Variants in ME1 observed in about 807,000 individuals in gnomAD.
ME1 encodes malic enzyme 1.
In ME1, 74 loss-of-function variants were observed where a neutral mutation model predicts 66.4. The observed-to-expected ratio is 1.11, with a 90% CI of 0.92 to 1.35. ME1 has a LOEUF of 1.35. Among genes scored for constraint, ME1 ranks in the 40% most tolerant of loss-of-function variants. ME1 has a pLI of 0.00. For synonymous variants in ME1, 251 were observed against 235.6 expected (o/e 1.07, Z -0.60); for missense variants, 750 against 694.1 (o/e 1.08, Z -0.90).
chr6:83,234,046 G>A (rs1380813218), intron 9 of ME1, among the ~76,000 whole-genome samples: 5 of 152,098 alleles, frequency 3.3e-5, no homozygotes, highest in Non-Finnish European at 7.4e-5. Flanking sequence ...AAGACACGAA[G>A]TAAGAGAGAC....
chr6:83,387,253 GAAC>G (rs1428247573), intron 3 of ME1, among the ~76,000 whole-genome samples: 2 of 152,036 alleles, frequency 1.3e-5, no homozygotes, highest in East Asian at 3.8e-4. Context: ...TATAAAGCAA[GAAC>G]AATATGAAAG....
chr6:83,293,368 A>G (rs2128535268), intron 6 of ME1, among the ~76,000 whole-genome samples: 1 of 152,212 alleles, frequency 6.6e-6, no homozygotes, highest in Admixed American at 6.5e-5. Context: ...GAACTTTTTC[A>G]TCTTGCAAAA....
intron 3 of ME1, among the ~76,000 whole-genome samples, chr6:83,396,647 A>G (rs1043314251): frequency 6.6e-6 from 1 of 152,220 alleles, no homozygotes; most frequent in Non-Finnish European, 1.5e-5. Context: ...ATGAACCACA[A>G]AAGGCCCCAA....
chr6:83,376,816 A>AAAAAAAAAAAAAAAAAAAAAAAAAAAC, intron 3 of ME1, among the ~76,000 whole-genome samples: 1 of 151,388 alleles, frequency 6.6e-6, no homozygotes, highest in Non-Finnish European at 1.5e-5. Context: ...AAAAAAAAAA[A>AAAAAAAAAAAAAAAAAAAAAAAAAAAC]AAAATTCAAA....
chr6:83,290,767 T>C (rs1342632872), intron 6 of ME1, among the ~76,000 whole-genome samples: 1 of 152,212 alleles, frequency 6.6e-6, no homozygotes, highest in East Asian at 1.9e-4. Context: ...AGTCTCTTTG[T>C]AGGTCTCCAA....
intron 3 of ME1, among the ~76,000 whole-genome samples, chr6:83,355,566 T>C (rs1768872784): frequency 6.6e-6 from 1 of 152,148 alleles, no homozygotes; most frequent in Non-Finnish European, 1.5e-5. Flanking sequence ...AAAGAATTAT[T>C]ACTTTTGAAG....
intron 6 of ME1, among the ~76,000 whole-genome samples, chr6:83,294,652 A>G (rs1033371087): frequency 1.3e-5 from 2 of 152,082 alleles, no homozygotes. Context: ...TACTGCCCCT[A>G]TTGTCCTCAG....
chr6:83,413,839 T>C (rs1162542920), intron 1 of ME1, among the ~76,000 whole-genome samples: 1 of 152,140 alleles, frequency 6.6e-6, no homozygotes, highest in Non-Finnish European at 1.5e-5. Flanking sequence ...CTGGGCATGA[T>C]GCCTCACACC....
At chr6:83,226,887 G>A (rs536784557) in intron 11 of ME1, among the ~76,000 whole-genome samples, 1 of 152,238 alleles carries the variant, frequency 6.6e-6, no homozygotes, top group African/African-American at 2.4e-5. Flanking sequence ...CAGTCTGGCT[G>A]GATGTCAAGA....
At chr6:83,362,231 C>G (rs781489863) in intron 3 of ME1, among the ~76,000 whole-genome samples, 4 of 152,188 alleles carry the variant, frequency 2.6e-5, no homozygotes, top group Non-Finnish European at 4.4e-5. Flanking sequence ...GTAGGTTTGG[C>G]TGGATGGTCA....
chr6:83,261,937 C>A (rs754901441), intron 6 of ME1, among the ~76,000 whole-genome samples: 56 of 150,558 alleles, frequency 3.7e-4, no homozygotes, highest in Non-Finnish European at 6.5e-4. Context: ...TCACTTGAAC[C>A]CAGGTGGTGG....
intron 12 of ME1, among the ~76,000 whole-genome samples, chr6:83,222,571 T>A (rs1438861427): frequency 5.9e-5 from 9 of 152,230 alleles, no homozygotes; most frequent in Non-Finnish European, 1.0e-4. Flanking sequence ...CCTGTTCAAA[T>A]CTGAAACATG....
chr6:83,294,970 T>C (rs1470791372), intron 6 of ME1, among the ~76,000 whole-genome samples: 7 of 151,876 alleles, frequency 4.6e-5, no homozygotes, highest in Non-Finnish European at 8.8e-5. Flanking sequence ...AGCCCCGGAG[T>C]GCCACACTGC....
intron 2 of ME1, among the ~76,000 whole-genome samples, chr6:83,403,864 T>A (rs1234033044): frequency 6.6e-6 from 1 of 152,186 alleles, no homozygotes; most frequent in Non-Finnish European, 1.5e-5. Context: ...CATTCTATGG[T>A]GTATATGTGC....
chr6:83,389,044 G>T (rs540345760), intron 3 of ME1, among the ~76,000 whole-genome samples: 1 of 152,044 alleles, frequency 6.6e-6, no homozygotes, highest in Non-Finnish European at 1.5e-5. Flanking sequence ...ACTTGAATCC[G>T]GGAGACAGAG....
chr6:83,366,890 C>T (rs1353265482), intron 3 of ME1, among the ~76,000 whole-genome samples: 1 of 152,224 alleles, frequency 6.6e-6, no homozygotes, highest in African/African-American at 2.4e-5. Flanking sequence ...GTTCTCAATG[C>T]CATCTAGACT....
chr6:83,361,953 C>T (rs993988750), intron 3 of ME1, among the ~76,000 whole-genome samples: 1 of 152,176 alleles, frequency 6.6e-6, no homozygotes. Context: ...TCTTCCCCAG[C>T]CTGCACCGAT....
intron 6 of ME1, among the ~76,000 whole-genome samples, chr6:83,272,237 A>G (rs557044960): frequency 1.3e-5 from 2 of 152,320 alleles, no homozygotes; most frequent in South Asian, 4.1e-4. Context: ...TACCAAATAA[A>G]CAAATCTATA....
chr6:83,363,817 G>A (rs1316578273), intron 3 of ME1, among the ~76,000 whole-genome samples: 1 of 152,166 alleles, frequency 6.6e-6, no homozygotes, highest in Non-Finnish European at 1.5e-5. Context: ...AAGATTAACT[G>A]CGCATCAGCA....
Sources: gnomAD v4.1 joint callset for allele counts (sites outside exome capture counted in the v4.1 genomes callset) on GRCh38, gnomAD v4.1.1 for gene constraint, MANE v1.5 for transcripts, NCBI Gene and HGNC (gene_info 2026-07-23, HGNC 2026-07-21) for gene names.